AIG1: variants seen among roughly 807,000 people sequenced by gnomAD.
The protein encoded by AIG1 is androgen-induced gene 1 protein.
In AIG1, 23 loss-of-function variants were observed where a neutral mutation model predicts 31.4. That is an observed-to-expected ratio of 0.73 (90% CI 0.53 to 1.04). The LOEUF (loss-of-function observed/expected upper bound fraction) is 1.04, where lower values mean the gene tolerates loss of function less well. Ranked by LOEUF, AIG1 falls within the 50% of genes least tolerant of loss-of-function variation. The pLI, the probability that AIG1 is intolerant of heterozygous loss-of-function variation, is 0.00. For synonymous variants in AIG1, 100 were observed against 110.5 expected (o/e 0.90, Z 0.60); for missense variants, 274 against 295.0 (o/e 0.93, Z 0.52).
chr6:143,117,033 G>A (rs553829424), intron 1 of AIG1, among the ~76,000 whole-genome samples: 35 of 152,202 alleles, frequency 2.3e-4, no homozygotes, highest in Middle Eastern at 3.4e-3. Flanking sequence ...CACATTCAGT[G>A]TGTCTGCCGT....
Position 143,165,097 on chromosome 6 carries a change from T to A in AIG1, c.313T>A (p.Phe105Ile), listed in dbSNP as rs767100274. 6.8e-6 allele frequency: 11 copies of A among 1,612,746 alleles called. No individual in the cohort carries two copies. Among genetic ancestry groups the A allele is most frequent in the Non-Finnish European group, 9.3e-6 (11 of 1,178,920 alleles). ...TTCCTTCCAGTTTGTTGTAGCAGTG[T>A]TCTGGATCATTTATGCCTATGACAG... Reference protein sequence around the residue: ...FPVGVFVVAVFWIIYAYDREM... With the variant: ...FPVGVFVVAVIWIIYAYDREM... The change falls in exon 3 of 6, where the codon TTC becomes ATC. Residue 105 changes from phenylalanine to isoleucine, a missense_variant. By Grantham distance (21) the Phe-to-Ile change is conservative (BLOSUM62 0). This residue lies in a region of AIG1 where 243 missense variants were observed against 238.5 expected (regional missense o/e 1.02). Transcript: ENST00000357847.
intron 2 of AIG1, among the ~76,000 whole-genome samples, chr6:143,138,709 C>A (rs1391752321): frequency 1.3e-5 from 2 of 151,830 alleles, no homozygotes; most frequent in African/African-American, 4.8e-5. Flanking sequence ...CTGGCTAACA[C>A]AGTGAAACCC....
intron 3 of AIG1, among the ~76,000 whole-genome samples, chr6:143,187,183 T>G (rs1242106821): frequency 6.6e-6 from 1 of 152,220 alleles, no homozygotes; most frequent in Non-Finnish European, 1.5e-5. Flanking sequence ...TGATATAAAA[T>G]GTAAATTACT....
chr6:143,075,882 G>C (rs1777688154), intron 1 of AIG1, among the ~76,000 whole-genome samples: 1 of 151,980 alleles, frequency 6.6e-6, no homozygotes, highest in African/African-American at 2.4e-5. Context: ...TTTTTTTACA[G>C]ATAGCTTTTC....
At chr6:143,271,432 A>C (rs908804357) in intron 3 of AIG1, among the ~76,000 whole-genome samples, 1 of 152,208 alleles carries the variant, frequency 6.6e-6, no homozygotes, top group African/African-American at 2.4e-5. Flanking sequence ...TCAGGCTTTA[A>C]AGGTTTGGGT....
At chr6:143,164,778 A>T (rs1050553459) in intron 2 of AIG1, among the ~76,000 whole-genome samples, 1 of 152,218 alleles carries the variant, frequency 6.6e-6, no homozygotes, top group Admixed American at 6.5e-5. Flanking sequence ...AGAGGAATCA[A>T]ACCAGCACAA....
chr6:143,165,064 A>C lies in AIG1; in HGVS notation c.298-18A>C, dbSNP rs746494835. On this transcript the variant is annotated intron_variant, in intron 2 of 5. Coordinates refer to ENST00000357847, the MANE Select transcript of AIG1 (RefSeq NM_016108.4). ...ATAGTCGATGAACTTGAAATAAAAGATTTCTTTTTCCTTCCAGTTTGTTGT... is the reference window on the plus strand; with the variant it reads ...ATAGTCGATGAACTTGAAATAAAAGCTTTCTTTTTCCTTCCAGTTTGTTGT... 1.3e-6 allele frequency: 2 copies of C among 1,555,138 alleles called. No homozygotes were observed. The highest frequency in any genetic ancestry group is 8.9e-7 in the Non-Finnish European group (1 of 1,128,524).
chr6:143,066,745 T>TGAAA (rs1748723643), intron 1 of AIG1, among the ~76,000 whole-genome samples: 1 of 152,124 alleles, frequency 6.6e-6, no homozygotes, highest in African/African-American at 2.4e-5. Context: ...GCAACTAAGG[T>TGAAA]GAAAAACAAT....
At chr6:143,185,323 C>A (rs919490338) in intron 3 of AIG1, among the ~76,000 whole-genome samples, 1 of 152,150 alleles carries the variant, frequency 6.6e-6, no homozygotes, top group Non-Finnish European at 1.5e-5. Flanking sequence ...CTTCCCTGAG[C>A]CCATTTATGC....
At chr6:143,088,628 T>C (rs963118764) in intron 1 of AIG1, among the ~76,000 whole-genome samples, 1 of 152,204 alleles carries the variant, frequency 6.6e-6, no homozygotes, top group Admixed American at 6.5e-5. Flanking sequence ...TCAGAGGGTG[T>C]GTGAACAGAA....
intron 3 of AIG1, among the ~76,000 whole-genome samples, chr6:143,182,900 A>G (rs1788866854): frequency 6.6e-6 from 1 of 152,266 alleles, no homozygotes; most frequent in African/African-American, 2.4e-5. Context: ...GACAGAGAAT[A>G]CAACCTCAAA....
At chr6:143,113,051 G>A (rs1431318431) in intron 1 of AIG1, among the ~76,000 whole-genome samples, 4 of 152,096 alleles carry the variant, frequency 2.6e-5, no homozygotes, top group Admixed American at 1.3e-4. Context: ...GACTGGGCAT[G>A]GTGGCTCACG....
chr6:143,309,112 G>A (rs930926910), intron 4 of AIG1, among the ~76,000 whole-genome samples: 1 of 151,846 alleles, frequency 6.6e-6, no homozygotes, highest in African/African-American at 2.4e-5. Flanking sequence ...AAGCAAGAGG[G>A]GAATGGAGTA....
chr6:143,181,654 A>G (rs534067622), intron 3 of AIG1, among the ~76,000 whole-genome samples: 15 of 152,182 alleles, frequency 9.9e-5, no homozygotes, highest in Admixed American at 3.9e-4. Context: ...ATAAACTGGA[A>G]AAAATGTATT....
At chr6:143,130,044 C>T (rs996120493) in intron 1 of AIG1, among the ~76,000 whole-genome samples, 8 of 151,244 alleles carry the variant, frequency 5.3e-5, no homozygotes, top group Admixed American at 5.3e-4. Context: ...GATTCTCCTG[C>T]CTCAGCCTCC....
chr6:143,143,548 T>TATATATATATATATATATATATAC (rs1357963834), intron 2 of AIG1, among the ~76,000 whole-genome samples: 2 of 115,088 alleles, frequency 1.7e-5, no homozygotes, highest in African/African-American at 7.9e-5. Flanking sequence ...TATATATATA[T>TATATATATATATATATATATATAC]ATATATACAC....
At chr6:143,178,852 T>G (rs929989551) in intron 3 of AIG1, among the ~76,000 whole-genome samples, 29 of 152,140 alleles carry the variant, frequency 1.9e-4, no homozygotes, top group African/African-American at 7.0e-4. Context: ...TTGTTGGAGT[T>G]TGTAAGGATC....
In AIG1 at chr6:143,340,461, T is replaced by C. The variant is rs1453507645; in HGVS notation, c.*785T>C. ...TCTTTTTGATAACTCCAAAACAAAT[T>C]TTTTTTTTCTTTTTTTCCAGATGGA... On this transcript the variant is annotated 3_prime_UTR_variant, in exon 6 of 6. Transcript: ENST00000357847. Among the ~76,000 whole-genome samples, 1 of 151,212 alleles carries C rather than the reference T, an allele frequency of 6.6e-6. No individual in the cohort carries two copies. The highest frequency in any genetic ancestry group is 1.5e-5 in the Non-Finnish European group (1 of 67,832).
intron 3 of AIG1, among the ~76,000 whole-genome samples, chr6:143,247,325 C>A (rs998143609): frequency 1.3e-5 from 2 of 152,148 alleles, no homozygotes; most frequent in African/African-American, 4.8e-5. Context: ...AGAGACGGGG[C>A]TTCCCCATGT....
Sources: gnomAD v4.1 joint callset for allele counts (sites outside exome capture counted in the v4.1 genomes callset) on GRCh38, gnomAD v4.1.1 for gene constraint, gnomAD v4.1.1 regional missense constraint, MANE v1.5 for transcripts, NCBI Gene and HGNC (gene_info 2026-07-23, HGNC 2026-07-21) for gene names.